The following PCSK5 variants were observed in gnomAD, a reference collection of about 807,000 sequenced individuals.
PCSK5 encodes prohormone convertase 5.
In PCSK5, 129 loss-of-function variants were observed where a neutral mutation model predicts 233.2. The observed-to-expected ratio is 0.55, with a 90% CI of 0.48 to 0.64. The LOEUF (loss-of-function observed/expected upper bound fraction) is 0.64, where lower values mean the gene tolerates loss of function less well. Among genes scored for constraint, PCSK5 ranks in the 30% least tolerant of loss-of-function variants. The pLI is 0.00. For synonymous variants in PCSK5, 825 were observed against 879.2 expected (o/e 0.94, Z 1.09); for missense variants, 2,076 against 2,430.1 (o/e 0.85, Z 3.06).
intron 32 of PCSK5, among the ~76,000 whole-genome samples, chr9:76,324,082 C>T (rs143131362): frequency 7.1e-4 from 108 of 152,066 alleles, no homozygotes; most frequent in African/African-American, 1.9e-3. Flanking sequence ...TGTGCCACCA[C>T]GCCTGGCTAA....
At chr9:76,091,405 C>T (rs1187974678) in intron 7 of PCSK5, among the ~76,000 whole-genome samples, 1 of 152,112 alleles carries the variant, frequency 6.6e-6, no homozygotes, top group Admixed American at 6.6e-5. Flanking sequence ...TCCTGTGCGG[C>T]CCCACACTTA....
intron 2 of PCSK5, among the ~76,000 whole-genome samples, chr9:75,972,062 A>G (rs920903258): frequency 1.3e-5 from 2 of 152,046 alleles, no homozygotes; most frequent in Non-Finnish European, 2.9e-5. Flanking sequence ...TGTATAAGGT[A>G]TAAAGAAGGG....
chr9:76,359,888 A>G lies in PCSK5; in HGVS notation c.*966A>G, dbSNP rs1188029411. Reference sequence around the variant, plus strand: ...AGAGTTGGAATAGAGTCTAACATGGAAAAAAAAAAATCCCAATATGCTGCT... The same window carrying G: ...AGAGTTGGAATAGAGTCTAACATGGGAAAAAAAAAATCCCAATATGCTGCT... On this transcript the variant is annotated 3_prime_UTR_variant, in exon 38 of 38. Transcript: ENST00000674117. 1 of 147,236 alleles carries G rather than the reference A, an allele frequency of 6.8e-6. No homozygotes were observed. The highest frequency in any genetic ancestry group is 1.5e-5 in the Non-Finnish European group (1 of 66,750). The allele number at this position is 147,236 out of a possible 1,614,324, so 9.1% of individuals were successfully genotyped here.
intron 30 of PCSK5, among the ~76,000 whole-genome samples, chr9:76,311,448 C>T (rs999546830): frequency 6.6e-6 from 1 of 151,816 alleles, no homozygotes; most frequent in South Asian, 2.1e-4. Flanking sequence ...GTGATGTGCA[C>T]CTCTTCTAAA....
intron 12 of PCSK5, among the ~76,000 whole-genome samples, chr9:76,167,455 A>T (rs1390691491): frequency 6.6e-6 from 1 of 151,936 alleles, no homozygotes; most frequent in Non-Finnish European, 1.5e-5. Flanking sequence ...AATAATTTTC[A>T]TTTTTCTGTC....
chr9:76,345,636 A>T (rs940028987), intron 35 of PCSK5, among the ~76,000 whole-genome samples: 4 of 151,100 alleles, frequency 2.6e-5, no homozygotes, highest in Non-Finnish European at 5.9e-5. Context: ...GTTAGACAGG[A>T]TGGTCTCGAT....
intron 7 of PCSK5, among the ~76,000 whole-genome samples, chr9:76,092,392 T>G (rs1184987513): frequency 6.6e-6 from 1 of 152,130 alleles, no homozygotes; most frequent in African/African-American, 2.4e-5. Context: ...CTTTCTTTTT[T>G]TGTTTGTTTG....
intron 3 of PCSK5, among the ~76,000 whole-genome samples, chr9:75,996,611 G>C (rs1288828391): frequency 2.0e-5 from 3 of 152,170 alleles, no homozygotes; most frequent in African/African-American, 7.2e-5. Flanking sequence ...AATAATTAAT[G>C]ATCCACTTAG....
At chr9:76,112,998 A>G (rs1165636588) in intron 9 of PCSK5, among the ~76,000 whole-genome samples, 1 of 152,152 alleles carries the variant, frequency 6.6e-6, no homozygotes, top group Non-Finnish European at 1.5e-5. Flanking sequence ...GTCTAGTCCA[A>G]CCTTACCTTT....
intron 27 of PCSK5, among the ~76,000 whole-genome samples, chr9:76,301,303 C>A (rs1828592010): frequency 6.6e-6 from 1 of 151,384 alleles, no homozygotes; most frequent in African/African-American, 2.4e-5. Flanking sequence ...GAAAGAAAGC[C>A]ATTTGAGAGG....
intron 24 of PCSK5, among the ~76,000 whole-genome samples, chr9:76,281,141 G>T (rs1420205544): frequency 6.6e-6 from 1 of 152,234 alleles, no homozygotes; most frequent in Admixed American, 6.5e-5. Flanking sequence ...GCAGCAAATG[G>T]TTCAGCTAAG....
chr9:76,341,027 C>A (rs145955597), intron 35 of PCSK5, among the ~76,000 whole-genome samples: 3 of 146,662 alleles, frequency 2.0e-5, no homozygotes, highest in African/African-American at 7.6e-5. Flanking sequence ...CCAGCCTGGG[C>A]AACTTGGCGA....
chr9:76,132,140 A>G (rs988341938), intron 9 of PCSK5, among the ~76,000 whole-genome samples: 2 of 152,080 alleles, frequency 1.3e-5, no homozygotes, highest in African/African-American at 4.8e-5. Context: ...ATTCAGGATT[A>G]TCCCTTGACT....
intron 10 of PCSK5, among the ~76,000 whole-genome samples, chr9:76,156,311 G>A (rs905308102): frequency 3.9e-5 from 6 of 152,270 alleles, no homozygotes; most frequent in African/African-American, 1.4e-4. Context: ...TTCAGCTTTA[G>A]ATCAATAGGT....
chr9:76,042,940 G>A (rs1829186426), intron 5 of PCSK5, among the ~76,000 whole-genome samples: 1 of 152,116 alleles, frequency 6.6e-6, no homozygotes, highest in Non-Finnish European at 1.5e-5. Context: ...ACTGTGGGTT[G>A]GACTGTAGCA....
intron 7 of PCSK5, among the ~76,000 whole-genome samples, chr9:76,084,151 C>T (rs1830968131): frequency 6.6e-6 from 1 of 152,188 alleles, no homozygotes; most frequent in Admixed American, 6.5e-5. Flanking sequence ...AAAGCTAAGA[C>T]TTGGTTTGCC....
chr9:75,963,921 A>G (rs1056234407), intron 2 of PCSK5, among the ~76,000 whole-genome samples: 1 of 152,202 alleles, frequency 6.6e-6, no homozygotes, highest in African/African-American at 2.4e-5. Flanking sequence ...ACCGTATACC[A>G]TATAGTGGAA....
chr9:76,104,739 A>G (rs1299297594), intron 8 of PCSK5, among the ~76,000 whole-genome samples: 2 of 152,248 alleles, frequency 1.3e-5, no homozygotes, highest in African/African-American at 4.8e-5. Context: ...CGGCTGAAGA[A>G]TAAGCAAGGA....
intron 10 of PCSK5, among the ~76,000 whole-genome samples, chr9:76,134,890 A>C (rs1008656344): frequency 3.3e-5 from 5 of 152,076 alleles, no homozygotes; most frequent in Admixed American, 3.3e-4. Context: ...AAAATTAGCT[A>C]TATAAAACAT....
Sources: allele counts gnomAD v4.1 joint callset (sites outside exome capture counted in the v4.1 genomes callset), GRCh38; gene constraint gnomAD v4.1.1; transcripts MANE v1.5; gene names NCBI Gene and HGNC (gene_info 2026-07-23, HGNC 2026-07-21).